PALLD: variants seen among roughly 807,000 people sequenced by gnomAD.
The protein encoded by PALLD is palladin, cytoskeletal associated protein.
PALLD carries 61 observed loss-of-function variants against 123.5 expected under a neutral mutation model. The ratio of observed to expected loss-of-function variants is 0.49; its 90% CI spans 0.40 to 0.61. PALLD has a LOEUF of 0.61. Among genes scored for constraint, PALLD ranks in the 20% least tolerant of loss-of-function variants. The pLI is 0.00. For missense variants in PALLD, 1,273 were observed against 1,377.0 expected (o/e 0.92, Z 1.20); for synonymous variants, 465 against 496.4 (o/e 0.94, Z 0.84).
At chr4:168,922,102 T>TACACACACAC (rs35503011) in intron 18 of PALLD, among the ~76,000 whole-genome samples, 5 of 132,604 alleles carry the variant, frequency 3.8e-5, no homozygotes, top group Non-Finnish European at 6.3e-5. Flanking sequence ...TATATATATA[T>TACACACACAC]ACACACACAC....
chr4:168,810,762 T>G (rs1263895835), intron 10 of PALLD, among the ~76,000 whole-genome samples: 1 of 149,556 alleles, frequency 6.7e-6, no homozygotes, highest in Admixed American at 6.7e-5. Flanking sequence ...GAGCCGAGAT[T>G]GCGCCACTGC....
intron 2 of PALLD, among the ~76,000 whole-genome samples, chr4:168,560,598 TAGCAC>T (rs1465183783): frequency 6.6e-6 from 1 of 152,222 alleles, no homozygotes; most frequent in East Asian, 1.9e-4. Context: ...AAGTGATTCA[TAGCAC>T]TTTCCCAAGC....
At chr4:168,678,181 G>T (rs1398244674) in intron 3 of PALLD, 2 of 152,154 alleles carry the variant, frequency 1.3e-5, no homozygotes, top group African/African-American at 4.8e-5. Context: ...ACAGTGCTTT[G>T]CCTGTCACCA....
At chr4:168,716,130 T>C (rs1272757441) in intron 10 of PALLD, among the ~76,000 whole-genome samples, 1 of 152,176 alleles carries the variant, frequency 6.6e-6, no homozygotes, top group East Asian at 1.9e-4. Context: ...AATAACAATA[T>C]GCTGTTTTCA....
intron 2 of PALLD, among the ~76,000 whole-genome samples, chr4:168,617,114 C>T (rs1468027541): frequency 6.6e-6 from 1 of 152,114 alleles, no homozygotes; most frequent in African/African-American, 2.4e-5. Context: ...AGAAAGGAGG[C>T]AACATACTAA....
At chr4:168,808,429 G>A (rs201310894) in intron 10 of PALLD, among the ~76,000 whole-genome samples, 5 of 152,014 alleles carry the variant, frequency 3.3e-5, no homozygotes, top group East Asian at 1.9e-4. Context: ...GCAGTGAGCC[G>A]AGATTGCACC....
chr4:168,649,621 C>T (rs1191873953), intron 2 of PALLD, among the ~76,000 whole-genome samples: 1 of 152,148 alleles, frequency 6.6e-6, no homozygotes, highest in East Asian at 1.9e-4. Flanking sequence ...GGGTAACATG[C>T]ATCAAGCCCC....
At chr4:168,653,307 G>A (rs1778236918) in intron 2 of PALLD, among the ~76,000 whole-genome samples, 1 of 152,134 alleles carries the variant, frequency 6.6e-6, no homozygotes, top group Admixed American at 6.5e-5. Context: ...AAGGCTATAG[G>A]GAGACTATGA....
chr4:168,780,136 T>A (rs1266880710), intron 10 of PALLD, among the ~76,000 whole-genome samples: 2 of 152,190 alleles, frequency 1.3e-5, no homozygotes. Context: ...TGACCTCAAG[T>A]GATTCGCCCA....
At position 168,511,741 on chromosome 4, in the gene PALLD, T is replaced by G. The variant is rs1290111470; in HGVS notation, c.237T>G (p.Pro79=). The part of the protein sequence containing the change: ...STSPASLCEH[P]SHKETKLGEH... ...CTCCTGCAAGCCTCTGTGAACATCC[T>G]TCCCATAAGGAGACCAAATTGGGTG... Residue 79 remains proline (P), a synonymous_variant, in exon 2 of 22, where the codon CCT becomes CCG. Transcript: ENST00000505667. 2 of 1,614,030 alleles carry G rather than the reference T, an allele frequency of 1.2e-6. No individual in the cohort carries two copies. The highest frequency in any genetic ancestry group is 2.7e-5 in the African/African-American group (2 of 74,930).
intron 15 of PALLD, among the ~76,000 whole-genome samples, chr4:168,905,790 C>CTTGTTTTTTTTT: frequency 8.8e-6 from 1 of 113,096 alleles, no homozygotes; most frequent in Non-Finnish European, 1.7e-5. Flanking sequence ...GCTTTTTTTT[C>CTTGTTTTTTTTT]TTTTTTTTTT....
intron 11 of PALLD, among the ~76,000 whole-genome samples, chr4:168,893,342 C>T (rs1350028417): frequency 1.3e-5 from 2 of 152,222 alleles, no homozygotes; most frequent in Non-Finnish European, 2.9e-5. Flanking sequence ...ACTCCTACCT[C>T]TGCCTCTTCT....
intron 2 of PALLD, among the ~76,000 whole-genome samples, chr4:168,518,922 AC>A (rs1763264848): frequency 6.6e-6 from 1 of 152,348 alleles, no homozygotes; most frequent in South Asian, 2.1e-4. Context: ...ACTGGAAAGA[AC>A]CTAAACATTC....
intron 8 of PALLD, 136 bp downstream of exon 8, chr4:168,691,428 AC>A (rs1427111054): frequency 2.3e-5 from 16 of 710,734 alleles, no homozygotes; most frequent in Non-Finnish European, 3.9e-5. Flanking sequence ...GAAATGTGAA[AC>A]CCCCTTAAAA....
chr4:168,566,845 C>T (rs1358991904), intron 2 of PALLD, among the ~76,000 whole-genome samples: 1 of 152,116 alleles, frequency 6.6e-6, no homozygotes, highest in Non-Finnish European at 1.5e-5. Context: ...GTGTGTTTTT[C>T]ATGAACACAT....
chr4:168,853,065 C>T (rs1748037122), intron 10 of PALLD, among the ~76,000 whole-genome samples: 1 of 152,172 alleles, frequency 6.6e-6, no homozygotes, highest in Non-Finnish European at 1.5e-5. Flanking sequence ...GAAGAAACCA[C>T]ATTGCAGTGT....
At chr4:168,665,022 G>A (rs555468814) in intron 2 of PALLD, among the ~76,000 whole-genome samples, 1 of 152,252 alleles carries the variant, frequency 6.6e-6, no homozygotes, top group South Asian at 2.1e-4. Flanking sequence ...TTGTTAAATG[G>A]AAGAGTGTAT....
chr4:168,670,767 A>C (rs1780164629), intron 3 of PALLD, among the ~76,000 whole-genome samples: 1 of 42,142 alleles, frequency 2.4e-5, no homozygotes, highest in Non-Finnish European at 4.4e-5. Flanking sequence ...AAAAAAAACA[A>C]AAAAAAACAA....
At position 168,709,003 on chromosome 4, in the gene PALLD, A is replaced by C. The variant is rs374617367; in HGVS notation, c.1502-25A>C. On this transcript the variant is annotated intron_variant, in intron 8 of 21. Transcript: ENST00000505667. ...TGACTTCATGGTTCAACTCTGATGA[A>C]TGATTCTGTTCTCTTCACTTCCAGA... 4 of 1,611,706 alleles carry C rather than the reference A, an allele frequency of 2.5e-6. No homozygotes were observed. In the African/African-American group the frequency reaches 4.0e-5, roughly 16 times the overall value.
Sources: allele counts gnomAD v4.1 joint callset (sites outside exome capture counted in the v4.1 genomes callset), GRCh38; gene constraint gnomAD v4.1.1; transcripts MANE v1.5; gene names NCBI Gene and HGNC (gene_info 2026-07-23, HGNC 2026-07-21).